Variants in SCN8A observed in about 807,000 individuals in gnomAD.
SCN8A encodes sodium channel protein type 8 subunit alpha.
Under a neutral mutation model 184.1 loss-of-function variants are expected in SCN8A, and 30 were observed. The ratio of observed to expected loss-of-function variants is 0.16; its 90% CI spans 0.12 to 0.22. The LOEUF is 0.22. SCN8A is among the 10% of genes least tolerant of loss of function. The probability of loss-of-function intolerance (pLI) is 1.00; values close to 1 mark genes in which losing one functional copy is unlikely to be tolerated. For synonymous variants in SCN8A, 852 were observed against 907.0 expected, an observed-to-expected ratio of 0.94 and a Z score of 1.09; for missense variants, 1,057 against 2,498.9, an observed-to-expected ratio of 0.42 and a Z score of 12.30.
intron 12 of SCN8A, among the ~76,000 whole-genome samples, chr12:51,731,864 T>C (rs941462301): frequency 6.6e-6 from 1 of 152,238 alleles, no homozygotes; most frequent in Non-Finnish European, 1.5e-5. Context: ...CATTTATATG[T>C]CTTCTTTGGA....
In SCN8A at chr12:51,697,832, T is replaced by A. The variant is rs191646337; in HGVS notation, c.707-1738T>A. On this transcript the variant is annotated intron_variant, in intron 6 of 26. Transcript: ENST00000627620. ...ACTAAATGCTTTGTGAAGTTTTTTT[T>A]GTTTTTGTTTTTTTGTTGTTGTTGT... is the stretch of plus-strand genomic sequence containing the variant. Among the ~76,000 whole-genome samples, 8 of 152,316 alleles carry A rather than the reference T, an allele frequency of 5.3e-5. No individual in the cohort carries two copies. In the East Asian group the frequency reaches 1.5e-3, roughly 29 times the overall value.
intron 12 of SCN8A, among the ~76,000 whole-genome samples, chr12:51,730,555 T>A (rs1942224021): frequency 6.6e-6 from 1 of 152,212 alleles, no homozygotes; most frequent in African/African-American, 2.4e-5. Flanking sequence ...TAGAAAATTT[T>A]ATTTAATTTC....
intron 1 of SCN8A, among the ~76,000 whole-genome samples, chr12:51,660,272 A>G (rs1940901640): frequency 6.6e-6 from 1 of 152,254 alleles, no homozygotes; most frequent in Non-Finnish European, 1.5e-5. Flanking sequence ...TGGAGAAGAC[A>G]GGAAGAAACA....
intron 1 of SCN8A, among the ~76,000 whole-genome samples, chr12:51,634,308 A>C (rs148908511): frequency 1.3e-5 from 2 of 152,326 alleles, no homozygotes; most frequent in Admixed American, 1.3e-4. Flanking sequence ...AGAGAGTGAG[A>C]GACACCTAAT....
At chr12:51,618,458 AACACACACACACAC>A (rs56163627) in intron 1 of SCN8A, among the ~76,000 whole-genome samples, 38,085 of 138,704 alleles carry the variant, frequency 0.27, 5,388 homozygotes, top group East Asian at 0.54. Context: ...ATACCAGAGC[AACACACACACACAC>A]ACACACACAC....
chr12:51,733,395 A>T (rs760826434), intron 12 of SCN8A, among the ~76,000 whole-genome samples: 1 of 152,190 alleles, frequency 6.6e-6, no homozygotes, highest in Admixed American at 6.5e-5. Context: ...TGCATCCCAG[A>T]GATAAATCCA....
At chr12:51,743,343 C>T (rs1942457238) in intron 12 of SCN8A, among the ~76,000 whole-genome samples, 1 of 152,036 alleles carries the variant, frequency 6.6e-6, no homozygotes, top group Non-Finnish European at 1.5e-5. Flanking sequence ...CTTGTTTGTG[C>T]CTGTCCTTCT....
At chr12:51,624,862 A>C (rs1269216658) in intron 1 of SCN8A, among the ~76,000 whole-genome samples, 1 of 152,162 alleles carries the variant, frequency 6.6e-6, no homozygotes, top group South Asian at 2.1e-4. Flanking sequence ...CCGTTTATTA[A>C]ATAGGGAATC....
chr12:51,640,061 A>G (rs1312089467), intron 1 of SCN8A, among the ~76,000 whole-genome samples: 1 of 142,772 alleles, frequency 7.0e-6, no homozygotes, highest in African/African-American at 2.6e-5. Flanking sequence ...GCACCACCAC[A>G]CTCTGCTAAT....
chr12:51,715,639 CAG>C (rs984190077), intron 11 of SCN8A, among the ~76,000 whole-genome samples: 47 of 99,188 alleles, frequency 4.7e-4, no homozygotes, highest in Admixed American at 2.0e-3. Flanking sequence ...GCCTGGGTGA[CAG>C]AGCAAGTCTC....
intron 21 of SCN8A, among the ~76,000 whole-genome samples, chr12:51,784,807 C>G (rs191549577): frequency 6.6e-6 from 1 of 152,246 alleles, no homozygotes; most frequent in Non-Finnish European, 1.5e-5. Context: ...TTAACTGTAA[C>G]CCATAGTATG....
chr12:51,656,391 T>C (rs976146626), intron 1 of SCN8A, among the ~76,000 whole-genome samples: 1 of 152,158 alleles, frequency 6.6e-6, no homozygotes, highest in African/African-American at 2.4e-5. Context: ...GGCCTTGGAA[T>C]AGGCACAGAT....
chr12:51,723,801 T>C (rs1421275153), intron 12 of SCN8A, among the ~76,000 whole-genome samples: 3 of 151,774 alleles, frequency 2.0e-5, no homozygotes, highest in Non-Finnish European at 2.9e-5. Flanking sequence ...TGAGCCAAGA[T>C]TGCGCCACTG....
chr12:51,755,279 A>G (rs1474050079), intron 14 of SCN8A, among the ~76,000 whole-genome samples: 4 of 152,216 alleles, frequency 2.6e-5, no homozygotes, highest in Non-Finnish European at 5.9e-5. Flanking sequence ...TTATATCAGT[A>G]TGGATTAATG....
chr12:51,686,821 A>G (rs1383231854), intron 4 of SCN8A, among the ~76,000 whole-genome samples: 5 of 152,122 alleles, frequency 3.3e-5, no homozygotes, highest in Non-Finnish European at 7.4e-5. Context: ...CTTCTTCAAA[A>G]TGATCATGTA....
In SCN8A at chr12:51,746,078, A is replaced by G. The variant is rs1280253306; in HGVS notation, c.2131+43A>G. On this transcript the variant is annotated intron_variant, in intron 13 of 26. Coordinates refer to ENST00000627620, the MANE Select transcript of SCN8A (RefSeq NM_001330260.2). ...TCAGTCCAACCGCTGAGATATAAAT[A>G]TGTAATGTGCATGGTAAATATAATC... The G allele has an allele frequency of 1.9e-6, 3 of 1,540,976 alleles. No homozygotes were observed. The South Asian group carries it at 3.9e-5, about 20-fold the overall frequency.
Position 51,721,527 on chromosome 12 carries a change from TC to T in SCN8A, c.1636-16del, listed in dbSNP as rs754973942. ...TCTCATTTCCCCGTCCCTCTCTCTT[TC>T]CCTGTCTGCCCCTGCAGTCACTGCT... On this transcript the variant is annotated intron_variant, in intron 11 of 26. Transcript: ENST00000627620. 153 of 1,582,018 alleles carry T rather than the reference TC, an allele frequency of 9.7e-5. 1 individual carries two copies. In the East Asian group the frequency reaches 2.1e-3, roughly 22 times the overall value.
intron 1 of SCN8A, among the ~76,000 whole-genome samples, chr12:51,652,016 G>A (rs1023098291): frequency 9.9e-5 from 15 of 152,252 alleles, no homozygotes; most frequent in African/African-American, 3.6e-4. Flanking sequence ...TAAATAAATA[G>A]CAAGTATGGA....
chr12:51,805,466 C>G (rs1938672596), intron 26 of SCN8A, among the ~76,000 whole-genome samples: 1 of 150,984 alleles, frequency 6.6e-6, no homozygotes, highest in South Asian at 2.1e-4. Flanking sequence ...GTATAATTTC[C>G]TAACCATAGT....
Sources: allele counts gnomAD v4.1 joint callset (sites outside exome capture counted in the v4.1 genomes callset), GRCh38; gene constraint gnomAD v4.1.1; transcripts MANE v1.5; gene names NCBI Gene and HGNC (gene_info 2026-07-23, HGNC 2026-07-21).